Variants in BAZ2B observed in about 807,000 individuals in gnomAD.
BAZ2B encodes bromodomain adjacent to zinc finger domain protein 2B.
A neutral mutation model predicts 246.0 loss-of-function variants in BAZ2B; 91 were observed. That is an observed-to-expected ratio of 0.37 (90% CI 0.31 to 0.44). The LOEUF (loss-of-function observed/expected upper bound fraction) is 0.44, where lower values mean the gene tolerates loss of function less well. Ranked by LOEUF, BAZ2B falls within the 20% of genes least tolerant of loss-of-function variation. The probability of loss-of-function intolerance (pLI) is 1.00; values close to 1 mark genes in which losing one functional copy is unlikely to be tolerated. For synonymous variants in BAZ2B, 855 were observed against 860.0 expected, an observed-to-expected ratio of 0.99 and a Z score of 0.10; for missense variants, 2,332 against 2,533.7, an observed-to-expected ratio of 0.92 and a Z score of 1.71.
intron 34 of BAZ2B, among the ~76,000 whole-genome samples, chr2:159,329,136 G>GAAAAAAAAAAAAAA (rs567964390): frequency 2.7e-5 from 2 of 73,474 alleles, no homozygotes; most frequent in African/African-American, 4.4e-5. Context: ...GTCTTAATAG[G>GAAAAAAAAAAAAAA]AAAAAAAAAA....
chr2:159,487,936 C>T (rs1362475943), intron 2 of BAZ2B, among the ~76,000 whole-genome samples: 1 of 151,948 alleles, frequency 6.6e-6, no homozygotes, highest in Non-Finnish European at 1.5e-5. Context: ...GAAAAACTTC[C>T]CTGGCCTCGC....
At chr2:159,707,041 T>G in the BAZ2B span, among the ~76,000 whole-genome samples, 1 of 152,236 alleles carries the variant, frequency 6.6e-6, no homozygotes, top group African/African-American at 2.4e-5. Context: ...AGCTAATTCC[T>G]TAAAATAAAT....
intron 8 of BAZ2B, among the ~76,000 whole-genome samples, chr2:159,435,906 T>C (rs2072197984): frequency 1.3e-5 from 2 of 152,270 alleles, no homozygotes; most frequent in African/African-American, 4.8e-5. Flanking sequence ...AAGATAATTC[T>C]TTGTAAATAA....
At chr2:159,589,870 C>A (rs905918043) in intron 1 of BAZ2B, among the ~76,000 whole-genome samples, 11 of 152,134 alleles carry the variant, frequency 7.2e-5, no homozygotes, top group Non-Finnish European at 1.6e-4. Context: ...ATTTCCCAAA[C>A]CTTTAAGTCA....
chr2:159,578,176 A>G (rs1233989773), intron 1 of BAZ2B, among the ~76,000 whole-genome samples: 2 of 152,218 alleles, frequency 1.3e-5, no homozygotes, highest in Non-Finnish European at 2.9e-5. Flanking sequence ...CAAAAGGAAC[A>G]ACACTGAACA....
At chr2:159,712,104 A>G in the BAZ2B span, 5 of 151,808 alleles carry the variant, frequency 3.3e-5, no homozygotes, top group Admixed American at 1.3e-4. Context: ...AAAAAAAAAA[A>G]AAAAAAAAGC....
chr2:159,485,294 T>C (rs62173238), intron 2 of BAZ2B, among the ~76,000 whole-genome samples: 2,605 of 152,160 alleles, frequency 0.017, 35 homozygotes, highest in Non-Finnish European at 0.022. Context: ...CATTCAGAAA[T>C]AGGGGATGTG....
chr2:159,640,975 A>G, the BAZ2B span, among the ~76,000 whole-genome samples: 1 of 149,688 alleles, frequency 6.7e-6, no homozygotes, highest in South Asian at 2.1e-4. Context: ...TTTGAAAAAA[A>G]TAAAATTGAC....
intron 1 of BAZ2B, among the ~76,000 whole-genome samples, chr2:159,566,810 T>C (rs149639197): frequency 6.0e-4 from 91 of 152,340 alleles, no homozygotes; most frequent in Admixed American, 2.6e-3. Flanking sequence ...TTTAAACCTT[T>C]TGTAATTTTA....
chr2:159,479,262 C>T (rs964349063), intron 2 of BAZ2B, among the ~76,000 whole-genome samples: 2 of 152,078 alleles, frequency 1.3e-5, no homozygotes, highest in Non-Finnish European at 2.9e-5. Flanking sequence ...CAAGTTTAAA[C>T]TATGATTTCA....
chr2:159,375,019 C>T (rs1300034039), intron 25 of BAZ2B, among the ~76,000 whole-genome samples: 1 of 151,972 alleles, frequency 6.6e-6, no homozygotes, highest in East Asian at 1.9e-4. Flanking sequence ...AATTTGAGAC[C>T]AGCCTGGACA....
chr2:159,446,241 T>C (rs530385878), intron 6 of BAZ2B, among the ~76,000 whole-genome samples: 2 of 152,104 alleles, frequency 1.3e-5, no homozygotes, highest in Non-Finnish European at 2.9e-5. Context: ...AAAAGAGTGA[T>C]TGAGAGCTGA....
the BAZ2B span, among the ~76,000 whole-genome samples, chr2:159,627,410 AAATTCTCAAT>A: frequency 6.6e-6 from 1 of 152,142 alleles, no homozygotes; most frequent in Non-Finnish European, 1.5e-5. Flanking sequence ...ATCAATGTGA[AAATTCTCAAT>A]AAAAAACTGT....
At chr2:159,509,511 A>C (rs1050157277) in intron 2 of BAZ2B, among the ~76,000 whole-genome samples, 1 of 152,180 alleles carries the variant, frequency 6.6e-6, no homozygotes, top group Non-Finnish European at 1.5e-5. Context: ...CTTTTAAGAA[A>C]AATACCCTGT....
chr2:159,633,856 C>T, the BAZ2B span, among the ~76,000 whole-genome samples: 1 of 150,990 alleles, frequency 6.6e-6, no homozygotes, highest in Non-Finnish European at 1.5e-5. Context: ...TCTCATGCCT[C>T]AGCCTCCCAA....
downstream of BAZ2B, among the ~76,000 whole-genome samples, chr2:159,317,320 A>G (rs116066938): frequency 8.2e-3 from 1,243 of 152,340 alleles, 17 homozygotes; most frequent in African/African-American, 0.028. Context: ...GGTACTAAAG[A>G]CAGATTAGAT....
At position 159,370,378 on chromosome 2, in the gene BAZ2B, CTT is replaced by C. The variant is rs55760591; in HGVS notation, c.4213+2665_4213+2666del. Among the ~76,000 whole-genome samples, 308 of 92,000 alleles carry C rather than the reference CTT, an allele frequency of 3.3e-3. 1 individual carries two copies. The highest frequency in any genetic ancestry group is 2.8e-3 in the Non-Finnish European group (126 of 45,656). 60.4% of individuals were successfully genotyped at this position (92,000 alleles called of 152,430 possible). On this transcript the variant is annotated intron_variant, in intron 27 of 36. Transcript: ENST00000392783. Reference sequence around the variant, plus strand: ...TTAAGTCTCCTAGGCACTGTACTACCTTTTTTTTTTTTTTTTTTTTTTGAGAC... The same window carrying C: ...TTAAGTCTCCTAGGCACTGTACTACCTTTTTTTTTTTTTTTTTTTTGAGAC...
intron 2 of BAZ2B, among the ~76,000 whole-genome samples, chr2:159,500,765 C>A (rs1240188752): frequency 2.6e-5 from 4 of 152,000 alleles, no homozygotes; most frequent in African/African-American, 4.8e-5. Context: ...ACCAGCCTGG[C>A]AGACTGGGTT....
intron 13 of BAZ2B, among the ~76,000 whole-genome samples, chr2:159,426,461 T>C (rs2069902033): frequency 6.6e-6 from 1 of 152,148 alleles, no homozygotes; most frequent in African/African-American, 2.4e-5. Flanking sequence ...TGATATCGTG[T>C]ATACAGAATG....
Sources: gnomAD v4.1 joint callset for allele counts (sites outside exome capture counted in the v4.1 genomes callset) on GRCh38, gnomAD v4.1.1 for gene constraint, MANE v1.5 for transcripts, NCBI Gene and HGNC (gene_info 2026-07-23, HGNC 2026-07-21) for gene names.